Variants in IMPG2 observed in about 807,000 individuals in gnomAD.
IMPG2 encodes interphotoreceptor matrix proteoglycan 2, also known as IPM 200.
IMPG2 carries 91 observed loss-of-function variants against 129.2 expected under a neutral mutation model. The observed-to-expected ratio is 0.70, with a 90% CI of 0.59 to 0.84. The LOEUF (loss-of-function observed/expected upper bound fraction) is 0.84, where lower values mean the gene tolerates loss of function less well. Among genes scored for constraint, IMPG2 ranks in the 40% least tolerant of loss-of-function variants. The pLI is 0.00. For synonymous variants in IMPG2, 510 were observed against 517.7 expected (o/e 0.99, Z 0.20); for missense variants, 1,430 against 1,461.7 (o/e 0.98, Z 0.35).
rs536388487 is a variant in IMPG2 at position 101,226,819 on chromosome 3, GA to G, written c.*149del. ...TTACTACATTCTGAAAACTTAAGCTGAAAAAAAAACAGTGTGCCCTATATTT... is the reference window on the plus strand; with the variant it reads ...TTACTACATTCTGAAAACTTAAGCTGAAAAAAAACAGTGTGCCCTATATTT... On this transcript the variant is annotated 3_prime_UTR_variant, in exon 19 of 19. Coordinates refer to ENST00000193391, the MANE Select transcript of IMPG2 (RefSeq NM_016247.4). The G allele has an allele frequency of 1.0e-4, 75 of 719,582 alleles. No homozygotes were observed. Among genetic ancestry groups the G allele is most frequent in the Middle Eastern group, 3.0e-4 (1 of 3,380 alleles). The allele number at this position is 719,582 out of a possible 1,614,324, so 44.6% of individuals were successfully genotyped here. A position where few individuals can be genotyped will look rare whatever the true frequency, so the allele number is the denominator to read the frequency against.
chr3:101,260,038 T>C (rs541097871), intron 9 of IMPG2, among the ~76,000 whole-genome samples: 2 of 152,198 alleles, frequency 1.3e-5, no homozygotes, highest in South Asian at 4.1e-4. Flanking sequence ...GCATGAATCG[T>C]CTCAAGAGAC....
rs1706469557 is a variant in IMPG2 at position 101,245,805 on chromosome 3, C to T, written c.1540G>A (p.Asp514Asn). The change falls in exon 12 of 19, where the codon GAT becomes AAT. Residue 514 changes from aspartate (D) to asparagine (N), a missense_variant. Transcript: ENST00000193391. ...ERTSGSHLVEDGLANVEESED... is the reference protein window; with the variant it reads ...ERTSGSHLVENGLANVEESED... ...AAAAGCAATTAAAGTTTCTCACCAT[C>T]TTCTACCAAGTGAGATCCAGAAGTC... The T allele has an allele frequency of 6.2e-7, 1 of 1,613,608 alleles. No individual in the cohort carries two copies. Among genetic ancestry groups the T allele is most frequent in the Non-Finnish European group, 8.5e-7 (1 of 1,179,506 alleles).
intron 15 of IMPG2, among the ~76,000 whole-genome samples, chr3:101,231,875 C>A (rs746860603): frequency 1.3e-5 from 2 of 152,134 alleles, no homozygotes; most frequent in Non-Finnish European, 2.9e-5. Flanking sequence ...AGATGACAGT[C>A]GGGCTAACTG....
chr3:101,277,534 A>C (rs1237073112), intron 4 of IMPG2, among the ~76,000 whole-genome samples: 1 of 152,236 alleles, frequency 6.6e-6, no homozygotes. Flanking sequence ...GAAGGAACAT[A>C]AAACCACACA....
chr3:101,226,894 T>C lies in IMPG2; in HGVS notation c.*75A>G. 1 of 1,463,046 alleles carries C rather than the reference T, an allele frequency of 6.8e-7. No individual in the cohort carries two copies. The highest frequency in any genetic ancestry group is 9.6e-7 in the Non-Finnish European group (1 of 1,045,578). The allele number at this position is 1,463,046 out of a possible 1,614,324, so 90.6% of individuals were successfully genotyped here. A position where few individuals can be genotyped will look rare whatever the true frequency, so the allele number is the denominator to read the frequency against. On this transcript the variant is annotated 3_prime_UTR_variant, in exon 19 of 19. Coordinates refer to ENST00000193391, the MANE Select transcript of IMPG2 (RefSeq NM_016247.4). Reference sequence around the variant, plus strand: ...TTCCAACAGTGTTTAAAATCCAGGTTAATTATATGACATAAGTAACAAGTA... The same window carrying C: ...TTCCAACAGTGTTTAAAATCCAGGTCAATTATATGACATAAGTAACAAGTA...
intron 3 of IMPG2, among the ~76,000 whole-genome samples, chr3:101,300,116 G>A (rs937993233): frequency 3.3e-5 from 5 of 152,362 alleles, no homozygotes; most frequent in African/African-American, 1.2e-4. Context: ...TGGAGTTCCT[G>A]CAAGGAGGCC....
At chr3:101,258,753 T>C (rs1319507144) in intron 9 of IMPG2, among the ~76,000 whole-genome samples, 1 of 152,170 alleles carries the variant, frequency 6.6e-6, no homozygotes, top group East Asian at 1.9e-4. Context: ...AGTTGATGTG[T>C]TGACATTTTC....
chr3:101,239,489 G>T (rs2107214702), intron 14 of IMPG2, among the ~76,000 whole-genome samples: 1 of 152,300 alleles, frequency 6.6e-6, no homozygotes, highest in East Asian at 1.9e-4. Flanking sequence ...GTTGGTGGGA[G>T]TGTAAATTAG....
At chr3:101,306,102 G>T (rs1158623885) in intron 2 of IMPG2, among the ~76,000 whole-genome samples, 1 of 152,148 alleles carries the variant, frequency 6.6e-6, no homozygotes, top group Non-Finnish European at 1.5e-5. Flanking sequence ...GATACCATGG[G>T]TAACTTACCT....
At position 101,269,557 on chromosome 3, in the gene IMPG2, G is replaced by T; in HGVS notation, c.845C>A (p.Thr282Asn). The change falls in exon 8 of 19, where the codon ACT becomes AAT. Residue 282 changes from threonine (T) to asparagine (N), a missense_variant. Thr to Asn is a moderately conservative substitution (Grantham distance 65). Transcript: ENST00000193391. ...AATTTCCTTGTAGCCTGGTAACCCA[G>T]TAAATGCATTTTCAACCTGTTAAAA... is the stretch of plus-strand genomic sequence containing the variant. The part of the protein sequence containing the change: ...EFISEVENAF[T>N]GLPGYKEIRV... 6.3e-7 allele frequency: 1 copy of T among 1,592,244 alleles called. No homozygotes were observed. Among genetic ancestry groups the T allele is most frequent in the Non-Finnish European group, 8.6e-7 (1 of 1,160,468 alleles).
At chr3:101,254,700 G>GA (rs1345556400) in intron 10 of IMPG2, among the ~76,000 whole-genome samples, 19 of 152,168 alleles carry the variant, frequency 1.2e-4, no homozygotes, top group African/African-American at 4.6e-4. Flanking sequence ...TGTCTTCTAT[G>GA]AAAAATAAGC....
intron 3 of IMPG2, among the ~76,000 whole-genome samples, chr3:101,298,973 G>T (rs1707111953): frequency 6.6e-6 from 1 of 152,128 alleles, no homozygotes; most frequent in Non-Finnish European, 1.5e-5. Flanking sequence ...AGTTCTCCTG[G>T]ATAATATCCT....
chr3:101,250,121 T>C (rs1004535918), intron 11 of IMPG2, among the ~76,000 whole-genome samples: 7 of 152,126 alleles, frequency 4.6e-5, no homozygotes, highest in African/African-American at 1.4e-4. Context: ...TAACCTTACA[T>C]AACTCTATTC....
chr3:101,224,390 C>T lies in IMPG2; in HGVS notation c.*2579G>A, dbSNP rs1706199080. 6.6e-6 allele frequency: 1 copy of T among 152,154 alleles called. No homozygotes were observed. Among genetic ancestry groups the T allele is most frequent in the Admixed American group, 6.5e-5 (1 of 15,276 alleles). 9.4% of individuals were successfully genotyped at this position (152,154 alleles called of 1,614,324 possible). ...TATTTACCATGCATTTTATTGCTAA[C>T]TGCATTTTAGTATTTTCACATAAGG... is the stretch of plus-strand genomic sequence containing the variant. On this transcript the variant is annotated 3_prime_UTR_variant, in exon 19 of 19. Transcript: ENST00000193391.
intron 3 of IMPG2, among the ~76,000 whole-genome samples, chr3:101,302,490 T>A (rs1428688890): frequency 1.3e-5 from 2 of 152,160 alleles, no homozygotes; most frequent in Non-Finnish European, 2.9e-5. Flanking sequence ...GGCCCAATGG[T>A]GTGAAGGGAA....
intron 3 of IMPG2, among the ~76,000 whole-genome samples, chr3:101,296,900 T>TTTGTTG (rs765211156): frequency 1.3e-5 from 2 of 151,968 alleles, no homozygotes; most frequent in East Asian, 1.9e-4. Context: ...GACGGCAGTT[T>TTTGTTG]TTGTTGTTGT....
intron 2 of IMPG2, among the ~76,000 whole-genome samples, chr3:101,310,970 C>T (rs549274891): frequency 6.6e-6 from 1 of 152,136 alleles, no homozygotes; most frequent in African/African-American, 2.4e-5. Context: ...TTTTAAGTTA[C>T]ATTTAACCCT....
intron 2 of IMPG2, among the ~76,000 whole-genome samples, chr3:101,318,672 G>A (rs1282530928): frequency 6.6e-6 from 1 of 152,060 alleles, no homozygotes; most frequent in African/African-American, 2.4e-5. Context: ...ATGAATAAAT[G>A]CATGAATTTA....
intron 9 of IMPG2, among the ~76,000 whole-genome samples, chr3:101,262,012 T>A (rs1416414236): frequency 1.3e-5 from 2 of 152,096 alleles, no homozygotes; most frequent in African/African-American, 4.8e-5. Flanking sequence ...AAGACATTAA[T>A]CACATGGAAG....
Sources: gnomAD v4.1 joint callset for allele counts (sites outside exome capture counted in the v4.1 genomes callset) on GRCh38, gnomAD v4.1.1 for gene constraint, MANE v1.5 for transcripts, NCBI Gene and HGNC (gene_info 2026-07-23, HGNC 2026-07-21) for gene names.